Variants in EEF1D observed in about 807,000 individuals in gnomAD.
The protein encoded by EEF1D is eukaryotic translation elongation factor 1 delta, also known as elongation factor 1-delta.
In EEF1D, 47 loss-of-function variants were observed where a neutral mutation model predicts 63.9. The observed-to-expected ratio is 0.74, with a 90% CI of 0.58 to 0.94. The LOEUF (loss-of-function observed/expected upper bound fraction) is 0.94, where lower values mean the gene tolerates loss of function less well. Ranked by LOEUF, EEF1D falls within the 40% of genes least tolerant of loss-of-function variation. EEF1D has a pLI of 0.00. For synonymous variants in EEF1D, 412 were observed against 386.1 expected, an observed-to-expected ratio of 1.07 and a Z score of -0.79; for missense variants, 907 against 899.0, an observed-to-expected ratio of 1.01 and a Z score of -0.11.
At chr8:143,581,185 G>T in intron 6 of EEF1D, 31 bp from the exon 7 acceptor site, 1 of 1,612,676 alleles carries the variant, frequency 6.2e-7, no homozygotes, top group East Asian at 2.2e-5. Context: ...CGGTTAGATG[G>T]CAGGGGCCAG....
At chr8:143,593,499 A>T (rs1204966413) in intron 1 of EEF1D, among the ~76,000 whole-genome samples, 2 of 152,090 alleles carry the variant, frequency 1.3e-5, no homozygotes, top group Non-Finnish European at 2.9e-5. Context: ...CCTGGCTGGG[A>T]TCCGTCTTCC....
At position 143,595,609 on chromosome 8, in the gene EEF1D, T is replaced by C. The variant is rs1017489327; in HGVS notation, c.-15+1739A>G. The stretch of plus-strand genomic sequence containing the variant: ...CCAGCCCCACTGGGAAACGCCAGCC[T>C]GTCCTGCATATCTCAGAGCACTCAC... On this transcript the variant is annotated intron_variant, in intron 1 of 9. Coordinates refer to ENST00000618139, the MANE Select transcript of EEF1D (RefSeq NM_001130053.5). Among the ~76,000 whole-genome samples, 8 of 152,238 alleles carry C rather than the reference T, an allele frequency of 5.3e-5. 1 individual carries two copies. The East Asian group carries it at 9.6e-4, about 18-fold the overall frequency.
At chr8:143,580,777 G>A (rs1330954352) in intron 7 of EEF1D, 50 bp from the exon 8 acceptor site, 1 of 1,595,094 alleles carries the variant, frequency 6.3e-7, no homozygotes, top group South Asian at 1.1e-5. Context: ...CCCAACCAGG[G>A]CCCAGAGCTG....
rs772061508 is a variant in EEF1D, at chr8:143,581,327, C to G, written c.1289G>C (p.Ser430Thr). The change falls in exon 6 of 10, where the codon AGC (serine) becomes ACC (threonine). Residue 430 changes from serine (S) to threonine (T), a missense_variant and splice_region_variant. By Grantham distance (58) the Ser-to-Thr change is moderately conservative. Transcript: ENST00000618139. The part of the protein sequence containing the change: ...RENIQKSLAG[S>T]SGPGASSGTS... ...GCCGCTGGAGGCCCCGGGGCCTGAGCTCTGCAAGGCAGGAGGAGGGGAGGG... is the reference window on the plus strand; with the variant it reads ...GCCGCTGGAGGCCCCGGGGCCTGAGGTCTGCAAGGCAGGAGGAGGGGAGGG... The G allele has an allele frequency of 1.9e-6, 3 of 1,610,170 alleles. No individual in the cohort carries two copies. The highest frequency in any genetic ancestry group is 1.7e-6 in the Non-Finnish European group (2 of 1,179,494).
intron 5 of EEF1D, 188 bp from the exon 6 acceptor site, chr8:143,581,516 C>G: frequency 1.7e-6 from 1 of 600,368 alleles, no homozygotes; most frequent in Non-Finnish European, 2.9e-6. Flanking sequence ...CAGTGAAATT[C>G]TCAGCCAGGC....
intron 5 of EEF1D, chr8:143,582,517 G>A (rs34178175): frequency 0.091 from 13,929 of 152,316 alleles, 719 homozygotes; most frequent in East Asian, 0.15. Context: ...TGAGGAGGCC[G>A]GAGTCTGTGA....
chr8:143,586,729 C>T lies in EEF1D; in HGVS notation c.1215G>A (p.Gln405=). The change falls in exon 4 of 10, where the codon CAG becomes CAA. Residue 405 remains glutamine (Q), a splice_region_variant and synonymous_variant. Transcript: ENST00000618139. ...MNGPVAGASR[Q]ENGASVILRD... is the part of the protein sequence containing the mutation. ...CAGCCGCCCCACGTGCAGCTCTCAC[C>T]TGGCGGGAGGCACCTGCCACAGGCC... 3 of 1,613,126 alleles carry T rather than the reference C, an allele frequency of 1.9e-6. No individual in the cohort carries two copies. Among genetic ancestry groups the T allele is most frequent in the Non-Finnish European group, 1.7e-6 (2 of 1,179,962 alleles).
At chr8:143,594,008 C>G in intron 1 of EEF1D, 1 of 764,014 alleles carries the variant, frequency 1.3e-6, no homozygotes, top group Non-Finnish European at 1.6e-6. Flanking sequence ...ACTCTTTCAA[C>G]TGCGTCCCGA....
rs1166076170 is a variant in EEF1D, at chr8:143,590,062, G to A, written c.20C>T (p.Ser7Phe). MRSGKA[S>F]CTLETVWEDK... ...TTCCCACACGGTCTCCAGGGTGCAG[G>A]AGGCCTTCCCGCTCCTCATCTTCCG... Residue 7 changes from serine (S) to phenylalanine (F), a missense_variant, in exon 3 of 10, where the codon TCC (serine) becomes TTC (phenylalanine). Coordinates refer to ENST00000618139, the MANE Select transcript of EEF1D (RefSeq NM_001130053.5). The A allele has an allele frequency of 1.9e-6, 3 of 1,598,606 alleles. No homozygotes were observed. Among genetic ancestry groups the A allele is most frequent in the East Asian group, 4.5e-5 (2 of 44,876 alleles).
chr8:143,593,894 ATC>A, intron 1 of EEF1D: 1 of 985,416 alleles, frequency 1.0e-6, no homozygotes, highest in Non-Finnish European at 1.2e-6. Context: ...GCAGCGCACC[ATC>A]TCTCCTAACA....
intron 1 of EEF1D, 24 bp downstream of exon 1, chr8:143,597,324 T>G (rs1175718358): frequency 2.0e-5 from 3 of 151,944 alleles, no homozygotes; most frequent in Non-Finnish European, 2.9e-5. Context: ...CCCGACTCCT[T>G]CCGGCGGGGG....
rs998742413 is a variant in EEF1D at position 143,588,816 on chromosome 8, G to C, written c.1091+175C>G. ...CAAGCAGTGTCCCTGGAACCCACAA[G>C]CGCAGCACCACCTTTACTCAGCCTG... On this transcript the variant is annotated intron_variant, in intron 3 of 9. Transcript: ENST00000618139. 1.6e-5 allele frequency: 14 copies of C among 867,734 alleles called. No homozygotes were observed. The East Asian group carries it at 3.8e-4, about 23-fold the overall frequency. The allele number at this position is 867,734 out of a possible 1,614,324, so 53.8% of individuals were successfully genotyped here. A position where few individuals can be genotyped will look rare whatever the true frequency, so the allele number is the denominator to read the frequency against.
intron 1 of EEF1D, chr8:143,595,994 T>A (rs1828739714): frequency 6.6e-6 from 1 of 152,410 alleles, no homozygotes; most frequent in African/African-American, 2.4e-5. Context: ...AAATCCTCAA[T>A]GCCACATTTC....
At position 143,589,916 on chromosome 8, in the gene EEF1D, C is replaced by T. The variant is rs370379043; in HGVS notation, c.166G>A (p.Asp56Asn). 1.2e-5 allele frequency: 19 copies of T among 1,598,756 alleles called. 1 individual carries two copies. The highest frequency in any genetic ancestry group is 2.2e-5 in the South Asian group (2 of 90,816). ...GPAMNGPGQD[D>N]PEDADEAEAP... ...TCCGCCTCATCAGCGTCCTCAGGGT[C>T]GTCCTGGCCGGGCCCATTCATGGCT... Residue 56 changes from aspartate to asparagine, a missense_variant, in exon 3 of 10, where the codon GAC becomes AAC. Physicochemically the swap from Asp to Asn is conservative, Grantham distance 23 (BLOSUM62 1). Coordinates refer to ENST00000618139, the MANE Select transcript of EEF1D (RefSeq NM_001130053.5).
chr8:143,588,963 G>C, intron 3 of EEF1D, 28 bp downstream of exon 3: 1 of 1,583,866 alleles, frequency 6.3e-7, no homozygotes, highest in Non-Finnish European at 8.5e-7. Context: ...AGCCCAGGCT[G>C]GGTGCCCACC....
chr8:143,582,941 G>C (rs73379021), intron 5 of EEF1D: 5 of 152,150 alleles, frequency 3.3e-5, no homozygotes, highest in African/African-American at 1.2e-4. Context: ...TGAAACCCCA[G>C]TGTCTGCTGA....
Position 143,580,651 on chromosome 8 carries a change from T to C in EEF1D, c.1565A>G (p.Asp522Gly). The C allele has an allele frequency of 6.2e-7, 1 of 1,613,960 alleles. No homozygotes were observed. The highest frequency in any genetic ancestry group is 8.5e-7 in the Non-Finnish European group (1 of 1,179,952). ...ATTGTCACTGCCAAACAGGTCAATG[T>C]CATCATCCTCGTCATCCTCTGCTGG... ...ATPAEDDEDD[D>G]IDLFGSDNEE... is the part of the protein sequence containing the mutation. The change falls in exon 8 of 10, where the codon GAC becomes GGC. Residue 522 changes from aspartate (D) to glycine (G), a missense_variant. Physicochemically the swap from Asp to Gly is moderately conservative, Grantham distance 94. Transcript: ENST00000618139.
chr8:143,586,587 G>T, intron 4 of EEF1D, 142 bp downstream of exon 4: 1 of 1,268,852 alleles, frequency 7.9e-7, no homozygotes, highest in Non-Finnish European at 1.1e-6. Context: ...CGCCTGCCCC[G>T]AGACCCCACT....
chr8:143,585,241 G>A (rs572615656), intron 5 of EEF1D, among the ~76,000 whole-genome samples: 2 of 152,322 alleles, frequency 1.3e-5, no homozygotes, highest in African/African-American at 2.4e-5. Context: ...GGGGCCCAAA[G>A]CAAGTACAAG....
Sources: allele counts gnomAD v4.1 joint callset (sites outside exome capture counted in the v4.1 genomes callset), GRCh38; gene constraint gnomAD v4.1.1; transcripts MANE v1.5; gene names NCBI Gene and HGNC (gene_info 2026-07-23, HGNC 2026-07-21).